PTPRA: variants seen among roughly 807,000 people sequenced by gnomAD.
The protein encoded by PTPRA is protein tyrosine phosphatase receptor type A.
Under a neutral mutation model 104.8 loss-of-function variants are expected in PTPRA, and 25 were observed. That is an observed-to-expected ratio of 0.24 (90% CI 0.17 to 0.33). The LOEUF (loss-of-function observed/expected upper bound fraction) is 0.33. PTPRA is among the 10% of genes least tolerant of loss of function. PTPRA has a pLI of 1.00. For synonymous variants in PTPRA, 323 were observed against 368.9 expected (o/e 0.88, Z 1.43); for missense variants, 765 against 1,015.3 (o/e 0.75, Z 3.35).
intron 11 of PTPRA, among the ~76,000 whole-genome samples, chr20:3,015,524 T>TC (rs34348916): frequency 5.3e-4 from 81 of 152,170 alleles, no homozygotes; most frequent in South Asian, 1.0e-3. Context: ...CCCCATGCTC[T>TC]CACACTCTTG....
intron 20 of PTPRA, among the ~76,000 whole-genome samples, chr20:3,031,673 A>G (rs147021120): frequency 6.6e-6 from 1 of 151,918 alleles, no homozygotes; most frequent in African/African-American, 2.4e-5. Flanking sequence ...ATTCTCTTTT[A>G]TTCCAGTCAT....
intron 6 of PTPRA, among the ~76,000 whole-genome samples, chr20:2,984,204 C>T (rs748562222): frequency 4.6e-5 from 7 of 152,046 alleles, no homozygotes; most frequent in Non-Finnish European, 8.8e-5. Context: ...TCTCTAAAAA[C>T]AAAACCAAAA....
At chr20:3,011,612 A>T (rs1218044978) in intron 11 of PTPRA, among the ~76,000 whole-genome samples, 1 of 152,240 alleles carries the variant, frequency 6.6e-6, no homozygotes, top group Non-Finnish European at 1.5e-5. Flanking sequence ...AGAGACTAGA[A>T]ACAGCAGTCT....
intron 1 of PTPRA, among the ~76,000 whole-genome samples, chr20:2,876,575 A>T (rs952925217): frequency 6.6e-6 from 1 of 152,214 alleles, no homozygotes; most frequent in Non-Finnish European, 1.5e-5. Flanking sequence ...GTATGGCTGT[A>T]CTGTAACATC....
chr20:2,941,418 C>T (rs1326874044), intron 2 of PTPRA, among the ~76,000 whole-genome samples: 1 of 152,188 alleles, frequency 6.6e-6, no homozygotes, highest in Non-Finnish European at 1.5e-5. Context: ...CTCCCTGTCA[C>T]CCCAAGAGCA....
intron 2 of PTPRA, among the ~76,000 whole-genome samples, chr20:2,939,034 T>G (rs2060807518): frequency 6.6e-6 from 1 of 152,204 alleles, no homozygotes; most frequent in Non-Finnish European, 1.5e-5. Context: ...GTCAACCTGT[T>G]TAGGTTTAGA....
At chr20:2,935,703 G>T (rs1420337896) in intron 2 of PTPRA, among the ~76,000 whole-genome samples, 2 of 152,142 alleles carry the variant, frequency 1.3e-5, no homozygotes, top group Non-Finnish European at 2.9e-5. Context: ...TGCCACTATA[G>T]TCAGCTAATT....
chr20:2,949,774 C>T (rs1353251466), intron 3 of PTPRA, among the ~76,000 whole-genome samples: 1 of 150,922 alleles, frequency 6.6e-6, no homozygotes, highest in Non-Finnish European at 1.5e-5. Context: ...TCTTCTATTT[C>T]TATTTAAAAG....
chr20:2,932,488 C>T (rs2060543646), intron 2 of PTPRA, among the ~76,000 whole-genome samples: 1 of 152,016 alleles, frequency 6.6e-6, no homozygotes, highest in Non-Finnish European at 1.5e-5. Context: ...TGGAAAGTAC[C>T]AGAAGGAAAT....
chr20:2,868,037 A>G, the PTPRA span, among the ~76,000 whole-genome samples: 31 of 152,200 alleles, frequency 2.0e-4, no homozygotes, highest in African/African-American at 7.5e-4. Context: ...GTTGATAGCT[A>G]GGGGCTGAAA....
intron 11 of PTPRA, among the ~76,000 whole-genome samples, chr20:3,014,781 A>G (rs1218364899): frequency 6.6e-6 from 1 of 152,058 alleles, no homozygotes; most frequent in Non-Finnish European, 1.5e-5. Flanking sequence ...CTCCCTTGTT[A>G]CTCACCTTAT....
At chr20:3,003,413 G>A (rs997422569) in intron 9 of PTPRA, among the ~76,000 whole-genome samples, 1 of 152,138 alleles carries the variant, frequency 6.6e-6, no homozygotes, top group East Asian at 1.9e-4. Context: ...TTTCCTAAGG[G>A]TATGTTCTCA....
chr20:2,944,287 C>G (rs2061043465), intron 2 of PTPRA, among the ~76,000 whole-genome samples: 1 of 152,180 alleles, frequency 6.6e-6, no homozygotes, highest in Non-Finnish European at 1.5e-5. Flanking sequence ...AATGATCCAC[C>G]TGCCTCGGCC....
intron 2 of PTPRA, among the ~76,000 whole-genome samples, chr20:2,935,671 C>G (rs1287526012): frequency 6.6e-6 from 1 of 152,128 alleles, no homozygotes; most frequent in East Asian, 1.9e-4. Flanking sequence ...TGATCTACTT[C>G]AGCTTCGCTA....
At chr20:2,889,004 G>A (rs1040074364) in intron 1 of PTPRA, among the ~76,000 whole-genome samples, 4 of 152,144 alleles carry the variant, frequency 2.6e-5, no homozygotes, top group African/African-American at 9.7e-5. Flanking sequence ...AGTTGTACTT[G>A]GTAAGTTTTC....
rs146323773 is a variant in PTPRA, at chr20:2,955,280, A to G, written c.-7+7256A>G. ...ATATTGTTCTTTGTGTTAATCTGCA[A>G]TATAAACCTATACCAAATTCTATTT... On this transcript the variant is annotated intron_variant, in intron 3 of 23. Transcript: ENST00000399903. Among the ~76,000 whole-genome samples the G allele has an allele frequency of 6.4e-4, 97 of 152,382 alleles. 1 individual carries two copies. Among genetic ancestry groups the G allele is most frequent in the African/African-American group, 2.2e-3 (91 of 41,592 alleles).
At chr20:3,010,296 G>A (rs1449957899) in intron 11 of PTPRA, among the ~76,000 whole-genome samples, 1 of 151,996 alleles carries the variant, frequency 6.6e-6, no homozygotes, top group Non-Finnish European at 1.5e-5. Flanking sequence ...CAGTCTCATG[G>A]CCACAAGATG....
At chr20:2,962,682 A>G (rs1242878692) in intron 3 of PTPRA, among the ~76,000 whole-genome samples, 1 of 152,202 alleles carries the variant, frequency 6.6e-6, no homozygotes, top group African/African-American at 2.4e-5. Context: ...ATAAAATGTA[A>G]GTTTTATGAA....
chr20:2,923,168 T>C, intron 1 of PTPRA, 39 bp from the exon 2 acceptor site: 1 of 892,364 alleles, frequency 1.1e-6, no homozygotes, highest in Admixed American at 2.9e-5. Flanking sequence ...TGCTCAGGGA[T>C]GTTGTATATT....
Sources: allele counts gnomAD v4.1 joint callset (sites outside exome capture counted in the v4.1 genomes callset), GRCh38; gene constraint gnomAD v4.1.1; transcripts MANE v1.5; gene names NCBI Gene and HGNC (gene_info 2026-07-23, HGNC 2026-07-21).